The following RIMKLB variants were observed in gnomAD, a reference collection of about 807,000 sequenced individuals.
The protein encoded by RIMKLB is ribosomal modification protein rimK like family member B.
RIMKLB carries 7 observed loss-of-function variants against 32.0 expected under a neutral mutation model. That is an observed-to-expected ratio of 0.22 (90% CI 0.12 to 0.41). The LOEUF (loss-of-function observed/expected upper bound fraction) is 0.41. Among genes scored for constraint, RIMKLB ranks in the 10% least tolerant of loss-of-function variants. The probability of loss-of-function intolerance (pLI) is 1.00; values close to 1 mark genes in which losing one functional copy is unlikely to be tolerated. For missense variants in RIMKLB, 289 were observed against 498.7 expected, an observed-to-expected ratio of 0.58 and a Z score of 4.00; for synonymous variants, 172 against 185.1, an observed-to-expected ratio of 0.93 and a Z score of 0.57.
Position 8,690,900 on chromosome 12 carries a change from C to A in RIMKLB, n.219+9082C>A, listed in dbSNP as rs12817179. Among the ~76,000 whole-genome samples, 360 of 151,914 alleles carry A rather than the reference C, an allele frequency of 2.4e-3. 3 individuals are homozygous for A. The highest frequency in any genetic ancestry group is 3.9e-3 in the Non-Finnish European group (268 of 67,946). ...ATTGTGCCATTCCACTCCAGCCTGG[C>A]GACAGAGCGAGAGTCCGTCTCAAAA... On this transcript the variant is annotated intron_variant and non_coding_transcript_variant, in intron 1 of 1. Transcript: ENST00000538758.
downstream of RIMKLB, chr12:8,777,576 C>T: frequency 7.8e-7 from 1 of 1,285,592 alleles, no homozygotes; most frequent in Non-Finnish European, 1.0e-6. Flanking sequence ...TGCACTGTTA[C>T]TGTTCTTTAC....
rs77121159 is a variant in RIMKLB, at chr12:8,721,423, T to C, written c.175+7382T>C. On this transcript the variant is annotated intron_variant, in intron 2 of 5. Coordinates refer to ENST00000535829, the MANE Select transcript of RIMKLB (RefSeq NM_001297776.2). The stretch of plus-strand genomic sequence containing the variant: ...CTTTGTCAACTCAATTTATGTAATA[T>C]TCTAAATCTTTGTCGTCATTTCAAC... Among the ~76,000 whole-genome samples, 471 of 152,352 alleles carry C rather than the reference T, an allele frequency of 3.1e-3. 9 individuals are homozygous for C. The East Asian group carries it at 0.054, about 18-fold the overall frequency.
intron 1 of RIMKLB, among the ~76,000 whole-genome samples, chr12:8,703,940 GA>G (rs1203430922): frequency 2.0e-5 from 3 of 152,036 alleles, no homozygotes; most frequent in Admixed American, 2.0e-4. Context: ...TTTCTTTGTA[GA>G]AAAAAAGCAT....
intron 3 of RIMKLB, among the ~76,000 whole-genome samples, chr12:8,750,989 T>TA (rs979422224): frequency 5.9e-5 from 9 of 152,250 alleles, no homozygotes; most frequent in African/African-American, 2.2e-4. Context: ...TTATTGTTAA[T>TA]ATTTTAAAAA....
chr12:8,688,913 C>A (rs753684003), intron 1 of RIMKLB, among the ~76,000 whole-genome samples: 1 of 152,098 alleles, frequency 6.6e-6, no homozygotes, highest in African/African-American at 2.4e-5. Flanking sequence ...CGGCTCACTG[C>A]AGCCTTGGCC....
chr12:8,773,281 TTA>T (rs753868167), intron 5 of RIMKLB, 38 bp from the exon 6 acceptor site: 1 of 1,423,748 alleles, frequency 7.0e-7, no homozygotes, highest in Non-Finnish European at 9.8e-7. Flanking sequence ...TTTCAAAAGT[TTA>T]TGATTTTGTT....
rs188309887 is a variant in RIMKLB at position 8,746,113 on chromosome 12, T to C, written c.176-3749T>C. Among the ~76,000 whole-genome samples the C allele has an allele frequency of 5.2e-3, 793 of 152,006 alleles. 9 individuals are homozygous for C. Among genetic ancestry groups the C allele is most frequent in the South Asian group, 0.012 (58 of 4,832 alleles). On this transcript the variant is annotated intron_variant, in intron 2 of 5. Coordinates refer to ENST00000535829, the MANE Select transcript of RIMKLB (RefSeq NM_001297776.2). ...CAGTAATTCTACTTTAAAATCCTTA[T>C]GTCATTACCAACGTCTTTCCTATCT...
intron 1 of RIMKLB, among the ~76,000 whole-genome samples, chr12:8,686,629 G>A (rs1942582979): frequency 1.3e-5 from 2 of 151,368 alleles, no homozygotes; most frequent in Non-Finnish European, 2.9e-5. Flanking sequence ...ACAGGCGCCC[G>A]CCACCACGCC....
upstream of RIMKLB, chr12:8,681,540 G>A (rs1470508830): frequency 1.3e-5 from 2 of 152,108 alleles, no homozygotes; most frequent in East Asian, 1.9e-4. Context: ...CTCCTATTCC[G>A]GATGAAACTG....
At chr12:8,731,455 G>GTT (rs61334074) in intron 2 of RIMKLB, among the ~76,000 whole-genome samples, 5 of 145,046 alleles carry the variant, frequency 3.4e-5, no homozygotes, top group African/African-American at 7.6e-5. Flanking sequence ...CCTGGTGGTG[G>GTT]TTTTTTTTTT....
chr12:8,742,057 T>A (rs1947602258), intron 2 of RIMKLB, among the ~76,000 whole-genome samples: 1 of 151,374 alleles, frequency 6.6e-6, no homozygotes. Context: ...TGCGCCACCA[T>A]GCCCACCTAA....
At chr12:8,759,940 T>A (rs1045031436) in intron 5 of RIMKLB, among the ~76,000 whole-genome samples, 2 of 152,216 alleles carry the variant, frequency 1.3e-5, no homozygotes, top group Non-Finnish European at 2.9e-5. Context: ...CTTGGCATCT[T>A]TATTTTTTAT....
intron 2 of RIMKLB, among the ~76,000 whole-genome samples, chr12:8,747,546 C>T (rs1319041829): frequency 1.3e-5 from 2 of 152,112 alleles, no homozygotes; most frequent in African/African-American, 4.8e-5. Flanking sequence ...TAGAAAGCTT[C>T]TTGAGAGCAA....
intron 5 of RIMKLB, among the ~76,000 whole-genome samples, chr12:8,762,191 A>AAGG (rs1022637860): frequency 2.8e-4 from 43 of 152,302 alleles, no homozygotes; most frequent in African/African-American, 9.9e-4. Flanking sequence ...GTACAGCGGC[A>AAGG]AGGAGGAGGT....
intron 5 of RIMKLB, among the ~76,000 whole-genome samples, chr12:8,767,891 T>C (rs1362865447): frequency 6.6e-6 from 1 of 152,200 alleles, no homozygotes; most frequent in African/African-American, 2.4e-5. Context: ...TAAGGAAGGA[T>C]AGGACAGAAT....
At position 8,685,177 on chromosome 12, in the gene RIMKLB, A is replaced by G. The variant is rs1044125924; in HGVS notation, n.219+3359A>G. ...CACTAGCTAGAACTTTCAGTATTGA[A>G]AGTAGTAAAAGAAGCCATGCTTGCC... On this transcript the variant is annotated intron_variant and non_coding_transcript_variant, in intron 1 of 1. Transcript: ENST00000538758. 2.6e-5 allele frequency among the ~76,000 whole-genome samples: 4 copies of G among 152,312 alleles called. No individual in the cohort carries two copies. The East Asian group carries it at 7.7e-4, about 29-fold the overall frequency.
At chr12:8,771,603 T>C (rs964346220) in intron 5 of RIMKLB, among the ~76,000 whole-genome samples, 2 of 152,252 alleles carry the variant, frequency 1.3e-5, no homozygotes, top group Admixed American at 1.3e-4. Flanking sequence ...GAAGATTTTA[T>C]TGTTGCAGTT....
chr12:8,728,354 G>A (rs1946227188), intron 2 of RIMKLB, among the ~76,000 whole-genome samples: 1 of 152,182 alleles, frequency 6.6e-6, no homozygotes, highest in African/African-American at 2.4e-5. Flanking sequence ...TAGGCCTTTA[G>A]TGGTATAGTG....
rs1037800981 is a variant in RIMKLB, at chr12:8,776,161, GTCTTT to G, written c.*2382_*2386del. ...TAAGGCATCAGGAAAAATGTAGTTA[GTCTTT>G]TCTTAACTTATACCAAATTAACCAA... On this transcript the variant is annotated 3_prime_UTR_variant, in exon 6 of 6. Transcript: ENST00000535829. 1.6e-4 allele frequency: 156 copies of G among 984,582 alleles called. No individual in the cohort carries two copies. Among genetic ancestry groups the G allele is most frequent in the Admixed American group, 1.8e-4 (3 of 16,242 alleles). The allele number at this position is 984,582 out of a possible 1,614,324, so 61.0% of individuals were successfully genotyped here.
Sources: gnomAD v4.1 joint callset for allele counts (sites outside exome capture counted in the v4.1 genomes callset) on GRCh38, gnomAD v4.1.1 for gene constraint, MANE v1.5 for transcripts, NCBI Gene and HGNC (gene_info 2026-07-23, HGNC 2026-07-21) for gene names.